The following PRKG1 variants were observed in gnomAD, a reference collection of about 807,000 sequenced individuals.
PRKG1 encodes protein kinase cGMP-dependent 1, also known as cGMP-dependent protein kinase 1.
PRKG1 carries 35 observed loss-of-function variants against 88.1 expected under a neutral mutation model. The observed-to-expected ratio is 0.40, with a 90% CI of 0.30 to 0.53. The LOEUF is 0.53. Ranked by LOEUF, PRKG1 falls within the 20% of genes least tolerant of loss-of-function variation. PRKG1 has a pLI of 0.59. For missense variants in PRKG1, 540 were observed against 839.8 expected (o/e 0.64, Z 4.41); for synonymous variants, 303 against 292.5 (o/e 1.04, Z -0.37).
intron 4 of PRKG1, among the ~76,000 whole-genome samples, chr10:51,819,918 A>G (rs61296484): frequency 0.13 from 19,754 of 152,176 alleles, 1,669 homozygotes; most frequent in African/African-American, 0.24. Context: ...ATTCATAATC[A>G]TTGAGAATGA....
At chr10:51,192,143 A>G (rs1407362923) in intron 2 of PRKG1, among the ~76,000 whole-genome samples, 14 of 151,808 alleles carry the variant, frequency 9.2e-5, no homozygotes, top group Non-Finnish European at 1.9e-4. Context: ...ACTTCATTAA[A>G]AAAAAAAATT....
chr10:51,104,950 C>G (rs143172687), intron 1 of PRKG1, among the ~76,000 whole-genome samples: 120 of 152,144 alleles, frequency 7.9e-4, no homozygotes, highest in African/African-American at 2.7e-3. Context: ...AGGCTAGTCT[C>G]GAACTCCTCA....
intron 3 of PRKG1, among the ~76,000 whole-genome samples, chr10:51,593,597 A>G (rs1297189775): frequency 1.3e-5 from 2 of 152,184 alleles, no homozygotes; most frequent in African/African-American, 4.8e-5. Flanking sequence ...TCAGGGAGCC[A>G]TCTTTGAAAA....
chr10:51,610,324 T>G (rs1720432923), intron 3 of PRKG1, among the ~76,000 whole-genome samples: 1 of 152,138 alleles, frequency 6.6e-6, no homozygotes, highest in Admixed American at 6.6e-5. Flanking sequence ...TATCCATCAT[T>G]CCACTCACTA....
intron 1 of PRKG1, among the ~76,000 whole-genome samples, chr10:51,001,021 T>C (rs1842883436): frequency 1.3e-5 from 2 of 152,232 alleles, no homozygotes; most frequent in Admixed American, 1.3e-4. Flanking sequence ...ATGGTGGTTT[T>C]CATGAAATAT....
intron 5 of PRKG1, among the ~76,000 whole-genome samples, chr10:51,930,798 A>T (rs1842678759): frequency 6.6e-6 from 1 of 152,142 alleles, no homozygotes; most frequent in Non-Finnish European, 1.5e-5. Flanking sequence ...GCCAAAATGA[A>T]CATTCTTTTA....
intron 5 of PRKG1, among the ~76,000 whole-genome samples, chr10:51,929,745 A>G (rs1564713031): frequency 6.6e-6 from 1 of 152,188 alleles, no homozygotes; most frequent in Non-Finnish European, 1.5e-5. Context: ...CATAAATTCT[A>G]GATATTCTGG....
chr10:51,146,189 A>C (rs78996473), intron 1 of PRKG1, among the ~76,000 whole-genome samples: 1 of 131,918 alleles, frequency 7.6e-6, no homozygotes, highest in Non-Finnish European at 1.6e-5. Flanking sequence ...ACTCTGTCTC[A>C]AAAAAAAAAA....
chr10:52,072,673 C>T (rs1846531464), intron 7 of PRKG1, among the ~76,000 whole-genome samples: 1 of 152,064 alleles, frequency 6.6e-6, no homozygotes, highest in South Asian at 2.1e-4. Context: ...TTGACTCTTT[C>T]TTCTCCTAAA....
chr10:51,557,138 C>T (rs950671836), intron 3 of PRKG1, among the ~76,000 whole-genome samples: 1 of 151,790 alleles, frequency 6.6e-6, no homozygotes, highest in African/African-American at 2.4e-5. Context: ...TTCTCTTATC[C>T]CTTTTCCCTC....
intron 3 of PRKG1, among the ~76,000 whole-genome samples, chr10:51,691,143 A>G: frequency 6.6e-6 from 1 of 150,930 alleles, no homozygotes; most frequent in Non-Finnish European, 1.5e-5. Flanking sequence ...TGATTGGCTT[A>G]GTTTCCTAGG....
chr10:52,244,089 T>G (rs1362833425), intron 9 of PRKG1, among the ~76,000 whole-genome samples: 3 of 152,110 alleles, frequency 2.0e-5, no homozygotes, highest in African/African-American at 7.2e-5. Context: ...TTCTATTTCT[T>G]TAAGTTATTC....
At chr10:51,207,576 A>C (rs1017488334) in intron 2 of PRKG1, among the ~76,000 whole-genome samples, 23 of 151,986 alleles carry the variant, frequency 1.5e-4, no homozygotes, top group African/African-American at 5.6e-4. Context: ...ACTGGAATGC[A>C]TTCAACTCCA....
chr10:51,960,724 G>C (rs1843427509), intron 5 of PRKG1, among the ~76,000 whole-genome samples: 2 of 152,210 alleles, frequency 1.3e-5, no homozygotes, highest in African/African-American at 4.8e-5. Context: ...AACTGAAATG[G>C]GAGATGAATC....
chr10:52,155,054 G>A (rs1022354397), intron 8 of PRKG1, among the ~76,000 whole-genome samples: 8 of 152,070 alleles, frequency 5.3e-5, no homozygotes, highest in Admixed American at 1.3e-4. Context: ...TGGACGTTTA[G>A]GTTGGTTCCA....
intron 9 of PRKG1, among the ~76,000 whole-genome samples, chr10:52,233,652 C>G (rs1183711830): frequency 7.1e-6 from 1 of 140,638 alleles, no homozygotes; most frequent in Non-Finnish European, 1.6e-5. Flanking sequence ...ACACCTGGCT[C>G]GGAGGGTCCT....
chr10:51,998,202 TTTTG>T (rs147699880), intron 5 of PRKG1, among the ~76,000 whole-genome samples: 1,849 of 152,286 alleles, frequency 0.012, 43 homozygotes, highest in African/African-American at 0.042. Flanking sequence ...CATTCATGGT[TTTTG>T]TTTGTTTGTT....
chr10:51,948,779 A>G (rs1843117172), intron 5 of PRKG1, among the ~76,000 whole-genome samples: 2 of 152,170 alleles, frequency 1.3e-5, no homozygotes, highest in African/African-American at 4.8e-5. Flanking sequence ...TCTTGGTCAC[A>G]TAGTCTGGAA....
intron 2 of PRKG1, among the ~76,000 whole-genome samples, chr10:51,174,001 G>A (rs935867994): frequency 6.6e-6 from 1 of 151,856 alleles, no homozygotes; most frequent in African/African-American, 2.4e-5. Flanking sequence ...TCTCAAGAAT[G>A]AGGGAGAAAG....
Sources: allele counts gnomAD v4.1 joint callset (sites outside exome capture counted in the v4.1 genomes callset), GRCh38; gene constraint gnomAD v4.1.1; transcripts MANE v1.5; gene names NCBI Gene and HGNC (gene_info 2026-07-23, HGNC 2026-07-21).